RREB1: variants seen among roughly 807,000 people sequenced by gnomAD.
The protein encoded by RREB1 is ras responsive element binding protein 1.
RREB1 carries 27 observed loss-of-function variants against 117.8 expected under a neutral mutation model. The ratio of observed to expected loss-of-function variants is 0.23; its 90% CI spans 0.17 to 0.32. RREB1 has a LOEUF of 0.32. RREB1 is among the 10% of genes least tolerant of loss of function. The pLI, the probability that RREB1 is intolerant of heterozygous loss-of-function variation, is 1.00. For missense variants in RREB1, 2,577 were observed against 2,378.2 expected, an observed-to-expected ratio of 1.08 and a Z score of -1.74; for synonymous variants, 1,298 against 1,026.7, an observed-to-expected ratio of 1.26 and a Z score of -5.05.
chr6:7,125,238 A>G (rs1401725509), intron 1 of RREB1, among the ~76,000 whole-genome samples: 2 of 152,248 alleles, frequency 1.3e-5, no homozygotes, highest in African/African-American at 4.8e-5. Context: ...ACAAGACACT[A>G]AAGCATAAGA....
intron 8 of RREB1, among the ~76,000 whole-genome samples, chr6:7,224,617 T>C (rs1432371160): frequency 6.6e-6 from 1 of 152,150 alleles, no homozygotes; most frequent in Non-Finnish European, 1.5e-5. Flanking sequence ...AGCTCAGAGC[T>C]TGAACGTATT....
At chr6:7,217,706 T>G (rs1430637337) in intron 8 of RREB1, 2 of 152,350 alleles carry the variant, frequency 1.3e-5, no homozygotes, top group South Asian at 4.1e-4. Context: ...TAACAAATAC[T>G]AAATGAAATT....
intron 11 of RREB1, among the ~76,000 whole-genome samples, chr6:7,243,089 C>T (rs1013816056): frequency 3.9e-5 from 6 of 152,128 alleles, no homozygotes; most frequent in African/African-American, 1.4e-4. Context: ...TAATGGTGGC[C>T]GCCTTTACCA....
rs571814788 is a variant in RREB1, at chr6:7,190,181, A to G, written c.425+859A>G. Reference sequence around the variant, plus strand: ...GGTTAAGTTTCTTGATTTGGGAACTAGGCACCTGAATTCAAGTCTCAACTG... The same window carrying G: ...GGTTAAGTTTCTTGATTTGGGAACTGGGCACCTGAATTCAAGTCTCAACTG... On this transcript the variant is annotated intron_variant, in intron 6 of 12. Transcript: ENST00000379938. Among the ~76,000 whole-genome samples, 8 of 152,350 alleles carry G rather than the reference A, an allele frequency of 5.3e-5. No homozygotes were observed. The East Asian group carries it at 9.6e-4, about 18-fold the overall frequency.
chr6:7,123,994 T>A (rs1225248645), intron 1 of RREB1, among the ~76,000 whole-genome samples: 1 of 152,196 alleles, frequency 6.6e-6, no homozygotes, highest in Non-Finnish European at 1.5e-5. Context: ...GAATGCGGCA[T>A]TGGGATACAT....
At chr6:7,125,987 T>TTTTGTTTGTTTGTTTGTTTGTTTGTTTG (rs58891233) in intron 1 of RREB1, among the ~76,000 whole-genome samples, 1 of 150,688 alleles carries the variant, frequency 6.6e-6, no homozygotes. Context: ...AAGGACTGTT[T>TTTTGTTTGTTTGTTTGTTTGTTTGTTTG]TTTGTTTGTT....
intron 1 of RREB1, among the ~76,000 whole-genome samples, chr6:7,120,286 CTACA>C (rs1761619303): frequency 6.6e-6 from 1 of 151,822 alleles, no homozygotes; most frequent in South Asian, 2.1e-4. Flanking sequence ...AACCCTGTAT[CTACA>C]AAAAAATACA....
At chr6:7,228,887 G>T in intron 9 of RREB1, 110 bp from the exon 10 acceptor site, 1 of 957,246 alleles carries the variant, frequency 1.0e-6, no homozygotes. Flanking sequence ...ATGGGGAAAG[G>T]CTGTGTACTG....
chr6:7,125,656 A>G (rs1449728206), intron 1 of RREB1, among the ~76,000 whole-genome samples: 5 of 152,202 alleles, frequency 3.3e-5, no homozygotes. Context: ...ATTATTTTAC[A>G]TAATATGGAA....
chr6:7,231,019 G>A lies in RREB1; in HGVS notation c.2920G>A (p.Ala974Thr). 6.2e-7 allele frequency: 1 copy of A among 1,614,090 alleles called. No individual in the cohort carries two copies. Among genetic ancestry groups the A allele is most frequent in the Admixed American group, 1.7e-5 (1 of 60,024 alleles). Residue 974 changes from alanine to threonine, a missense_variant, in exon 10 of 13, where the codon GCA becomes ACA. Coordinates refer to ENST00000379938, the MANE Select transcript of RREB1 (RefSeq NM_001003699.4). ...CAGCGAGCAGCCCTCTCCCTGCCCA[G>A]CACCCGGCCCTTCTCTTCCTGTAAC... Reference protein sequence around the residue: ...GSSEQPSPCPAPGPSLPVTLG... With the variant: ...GSSEQPSPCPTPGPSLPVTLG...
At chr6:7,129,223 G>T (rs571560076) in intron 1 of RREB1, among the ~76,000 whole-genome samples, 9 of 152,234 alleles carry the variant, frequency 5.9e-5, no homozygotes, top group Non-Finnish European at 1.3e-4. Flanking sequence ...ACAAGTAGGG[G>T]CTGAGAGCCC....
At chr6:7,150,116 G>T (rs1261249217) in intron 1 of RREB1, among the ~76,000 whole-genome samples, 1 of 151,812 alleles carries the variant, frequency 6.6e-6, no homozygotes, top group African/African-American at 2.4e-5. Context: ...CTCTTTCTTG[G>T]CCTTGTTATA....
Position 7,230,608 on chromosome 6 carries a change from C to CCGGCCGCTGAGGCGT in RREB1, c.2513_2527dup (p.Ala838_Ser842dup). On this transcript the variant is annotated inframe_insertion, in exon 10 of 13. Transcript: ENST00000379938. ...CGACGGCCTGGGCCCCGCAGAGGCG[C>CCGGCCGCTGAGGCGT]CGGCCGCTGAGGCGTCGGGGCGCGG... 6.2e-7 allele frequency: 1 copy of CCGGCCGCTGAGGCGT among 1,603,914 alleles called. No individual in the cohort carries two copies. Among genetic ancestry groups the CCGGCCGCTGAGGCGT allele is most frequent in the Middle Eastern group, 1.7e-4 (1 of 6,048 alleles).
At chr6:7,226,150 G>C (rs1767573760) in intron 8 of RREB1, among the ~76,000 whole-genome samples, 1 of 152,180 alleles carries the variant, frequency 6.6e-6, no homozygotes, top group African/African-American at 2.4e-5. Flanking sequence ...AGGCGAGAGC[G>C]AGCAGGTCGG....
At chr6:7,241,173 C>T (rs1372764562) in intron 11 of RREB1, among the ~76,000 whole-genome samples, 3 of 152,050 alleles carry the variant, frequency 2.0e-5, no homozygotes, top group African/African-American at 2.4e-5. Flanking sequence ...GACCTGAATC[C>T]GGGTATTATT....
intron 10 of RREB1, among the ~76,000 whole-genome samples, chr6:7,232,781 T>A (rs983721653): frequency 4.4e-4 from 66 of 150,382 alleles, no homozygotes; most frequent in African/African-American, 9.7e-4. Flanking sequence ...TTTTTTTTTT[T>A]AAATAAAAGA....
At chr6:7,218,699 T>C (rs1767053557) in intron 8 of RREB1, 1 of 152,090 alleles carries the variant, frequency 6.6e-6, no homozygotes, top group South Asian at 2.1e-4. Flanking sequence ...GTATCAAAAC[T>C]GCTGGATCTA....
chr6:7,200,281 T>TGTGTGTGTGTG (rs1554123661), intron 6 of RREB1, among the ~76,000 whole-genome samples: 1 of 110,030 alleles, frequency 9.1e-6, no homozygotes, highest in Non-Finnish European at 1.7e-5. Context: ...TGTGTGTGTG[T>TGTGTGTGTGTG]ATTTTTTTTT....
At chr6:7,239,617 T>G (rs1768562611) in intron 10 of RREB1, among the ~76,000 whole-genome samples, 1 of 152,108 alleles carries the variant, frequency 6.6e-6, no homozygotes, top group South Asian at 2.1e-4. Flanking sequence ...CATCTGTGCG[T>G]TTGGGATGGG....
Sources: allele counts gnomAD v4.1 joint callset (sites outside exome capture counted in the v4.1 genomes callset), GRCh38; gene constraint gnomAD v4.1.1; transcripts MANE v1.5; gene names NCBI Gene and HGNC (gene_info 2026-07-23, HGNC 2026-07-21).